Variants in THRB observed in about 807,000 individuals in gnomAD.
THRB encodes the protein nuclear receptor subfamily 1 group A member 2.
THRB carries 12 observed loss-of-function variants against 47.8 expected under a neutral mutation model. The ratio of observed to expected loss-of-function variants is 0.25; its 90% CI spans 0.16 to 0.41. The LOEUF is 0.41. Among genes scored for constraint, THRB ranks in the 10% least tolerant of loss-of-function variants. THRB has a pLI of 1.00. For synonymous variants in THRB, 218 were observed against 212.2 expected (o/e 1.03, Z -0.24); for missense variants, 348 against 589.2 (o/e 0.59, Z 4.24).
At chr3:24,433,991 T>C (rs1233973647) in intron 1 of THRB, among the ~76,000 whole-genome samples, 2 of 148,910 alleles carry the variant, frequency 1.3e-5, no homozygotes, top group East Asian at 4.1e-4. Flanking sequence ...ATGTGCTTAC[T>C]TAGGTAGTCC....
intron 2 of THRB, among the ~76,000 whole-genome samples, chr3:24,300,415 C>A (rs893574937): frequency 5.3e-5 from 8 of 152,160 alleles, no homozygotes; most frequent in African/African-American, 1.7e-4. Context: ...ACACGTGCAC[C>A]ACATTTATTT....
intron 7 of THRB, chr3:24,144,806 G>T (rs1003159292): frequency 1.3e-5 from 2 of 152,142 alleles, no homozygotes; most frequent in Admixed American, 1.3e-4. Context: ...CACAGAGCAA[G>T]TTAATGGCAG....
intron 5 of THRB, among the ~76,000 whole-genome samples, chr3:24,183,221 G>A (rs775236974): frequency 1.3e-5 from 2 of 152,058 alleles, no homozygotes; most frequent in Non-Finnish European, 2.9e-5. Context: ...AAAAACTGGA[G>A]GAGGTGGGCA....
intron 5 of THRB, among the ~76,000 whole-genome samples, chr3:24,173,527 T>C (rs1439776919): frequency 1.3e-5 from 2 of 152,172 alleles, no homozygotes; most frequent in African/African-American, 4.8e-5. Flanking sequence ...AGCAGTGATA[T>C]CTGACATTTT....
chr3:24,300,262 A>G (rs144821823), intron 2 of THRB, among the ~76,000 whole-genome samples: 9 of 152,322 alleles, frequency 5.9e-5, no homozygotes, highest in African/African-American at 2.2e-4. Flanking sequence ...TTGCGACTCA[A>G]AAGAAAGGAA....
chr3:24,255,009 G>T (rs957557387), intron 3 of THRB, among the ~76,000 whole-genome samples: 3 of 152,168 alleles, frequency 2.0e-5, no homozygotes, highest in African/African-American at 7.2e-5. Flanking sequence ...TGCACTTATT[G>T]TATTCCCATA....
At chr3:24,317,364 G>A (rs747849606) in intron 2 of THRB, among the ~76,000 whole-genome samples, 2 of 152,122 alleles carry the variant, frequency 1.3e-5, no homozygotes, top group Non-Finnish European at 2.9e-5. Context: ...TAAATATAAT[G>A]GAGGTAATTC....
At chr3:24,489,685 A>G (rs906110750) in intron 1 of THRB, among the ~76,000 whole-genome samples, 1 of 152,250 alleles carries the variant, frequency 6.6e-6, no homozygotes, top group African/African-American at 2.4e-5. Context: ...AAGACTTCAA[A>G]GTCCTTTGAA....
At chr3:24,202,937 T>G (rs1189470553) in intron 4 of THRB, among the ~76,000 whole-genome samples, 1 of 152,202 alleles carries the variant, frequency 6.6e-6, no homozygotes, top group African/African-American at 2.4e-5. Context: ...GGGGAAGTGC[T>G]GCACTTGGAA....
intron 4 of THRB, among the ~76,000 whole-genome samples, chr3:24,207,731 C>T (rs953441878): frequency 5.9e-5 from 9 of 152,158 alleles, no homozygotes; most frequent in Non-Finnish European, 1.2e-4. Flanking sequence ...AAACCCACAG[C>T]GAATATCATA....
rs1044547962 is a variant in THRB at position 24,277,897 on chromosome 3, T to C, written c.-43+19329A>G. 3.3e-5 allele frequency among the ~76,000 whole-genome samples: 5 copies of C among 152,246 alleles called. No homozygotes were observed. The East Asian group carries it at 9.6e-4, about 29-fold the overall frequency. On this transcript the variant is annotated intron_variant, in intron 3 of 10. Coordinates refer to ENST00000646209, the MANE Select transcript of THRB (RefSeq NM_001354712.2). Reference sequence around the variant, plus strand: ...CCTTTGACATTTATCAAATAATTGATGTTCTCAATTAAGGGGTGACAACAT... The same window carrying C: ...CCTTTGACATTTATCAAATAATTGACGTTCTCAATTAAGGGGTGACAACAT...
At chr3:24,313,219 A>G (rs1210626724) in intron 2 of THRB, among the ~76,000 whole-genome samples, 1 of 152,068 alleles carries the variant, frequency 6.6e-6, no homozygotes, top group Non-Finnish European at 1.5e-5. Context: ...CCAGTCTCCA[A>G]CCTTCTCTCT....
In THRB at chr3:24,118,973, GTTTTTTTTTTTTTTTT is replaced by G. The variant is rs559325556; in HGVS notation, c.*3895_*3910del. On this transcript the variant is annotated 3_prime_UTR_variant, in exon 11 of 11. Transcript: ENST00000646209. ...GCCAAACCTTTTTTCCCCCAGTCTGGTTTTTTTTTTTTTTTTTTTTTTTTTTTTTTGAGTGTGTTTT... is the reference window on the plus strand; with the variant it reads ...GCCAAACCTTTTTTCCCCCAGTCTGGTTTTTTTTTTTTTTGAGTGTGTTTT... 3.4e-4 allele frequency: 17 copies of G among 49,530 alleles called. No homozygotes were observed. The highest frequency in any genetic ancestry group is 9.6e-4 in the South Asian group (1 of 1,044). 3.1% of individuals were successfully genotyped at this position (49,530 alleles called of 1,614,324 possible). A position where few individuals can be genotyped will look rare whatever the true frequency, so the allele number is the denominator to read the frequency against.
intron 1 of THRB, among the ~76,000 whole-genome samples, chr3:24,340,946 C>G (rs1419015670): frequency 6.6e-6 from 1 of 151,282 alleles, no homozygotes; most frequent in East Asian, 1.9e-4. Context: ...TGTGAATTTT[C>G]CTCCCTGTTT....
rs1174687260 is a variant in THRB, at chr3:24,326,756, C to CTTTTTTTTTTTTTTTTTTTTTTTTTTTTT, written c.-189+10543_-189+10544insAAAAAAAAAAAAAAAAAAAAAAAAAAAAA. 1.0e-4 allele frequency among the ~76,000 whole-genome samples: 5 copies of CTTTTTTTTTTTTTTTTTTTTTTTTTTTTT among 50,004 alleles called. 1 individual carries two copies. Among genetic ancestry groups the CTTTTTTTTTTTTTTTTTTTTTTTTTTTTT allele is most frequent in the African/African-American group, 2.1e-4 (2 of 9,648 alleles). 32.8% of individuals were successfully genotyped at this position (50,004 alleles called of 152,430 possible). A position where few individuals can be genotyped will look rare whatever the true frequency, so the allele number is the denominator to read the frequency against. Reference sequence around the variant, plus strand: ...TTCACTAGAAGCTGTCCAGTCTTGTCTTTTTTTTTTTTTTTTTTTTTTTTT... The same window carrying CTTTTTTTTTTTTTTTTTTTTTTTTTTTTT: ...TTCACTAGAAGCTGTCCAGTCTTGTCTTTTTTTTTTTTTTTTTTTTTTTTTTTTTTTTTTTTTTTTTTTTTTTTTTTTTT... On this transcript the variant is annotated intron_variant, in intron 2 of 10. Coordinates refer to ENST00000646209, the MANE Select transcript of THRB (RefSeq NM_001354712.2).
chr3:24,286,784 TA>T (rs1553693848), intron 3 of THRB, among the ~76,000 whole-genome samples: 4 of 152,212 alleles, frequency 2.6e-5, no homozygotes, highest in Non-Finnish European at 5.9e-5. Flanking sequence ...ACTATTTTTT[TA>T]ATACCTTTCT....
intron 1 of THRB, among the ~76,000 whole-genome samples, chr3:24,349,458 T>C (rs1327033160): frequency 6.6e-6 from 1 of 152,120 alleles, no homozygotes; most frequent in Non-Finnish European, 1.5e-5. Flanking sequence ...TACAGGATTA[T>C]AAATCTACAT....
chr3:24,307,338 A>G lies in THRB; in HGVS notation c.-188-9967T>C, dbSNP rs570755270. 1.1e-3 allele frequency among the ~76,000 whole-genome samples: 168 copies of G among 148,790 alleles called. 3 individuals are homozygous for G. Among genetic ancestry groups the G allele is most frequent in the African/African-American group, 3.9e-3 (157 of 40,512 alleles). ...GAAAAGTATTAAAAAATCACTAGTA[A>G]TGCAACTATTCAGATCTCTCAATTC... On this transcript the variant is annotated intron_variant, in intron 2 of 10. Transcript: ENST00000646209.
At chr3:24,490,213 GAA>G (rs1156715208) in intron 1 of THRB, among the ~76,000 whole-genome samples, 1 of 152,176 alleles carries the variant, frequency 6.6e-6, no homozygotes, top group Non-Finnish European at 1.5e-5. Flanking sequence ...TTTGTAGACT[GAA>G]TGAGGAATCA....
Sources: gnomAD v4.1 joint callset for allele counts (sites outside exome capture counted in the v4.1 genomes callset) on GRCh38, gnomAD v4.1.1 for gene constraint, MANE v1.5 for transcripts, NCBI Gene and HGNC (gene_info 2026-07-23, HGNC 2026-07-21) for gene names.